NKIRAS1: variants seen among roughly 807,000 people sequenced by gnomAD.
The protein encoded by NKIRAS1 is NFKB inhibitor interacting Ras like 1, also known as NF-kappa-B inhibitor-interacting Ras-like protein 1.
In NKIRAS1, 16 loss-of-function variants were observed where a neutral mutation model predicts 19.8. The ratio of observed to expected loss-of-function variants is 0.81; its 90% CI spans 0.55 to 1.23. The LOEUF (loss-of-function observed/expected upper bound fraction) is 1.23. NKIRAS1 is among the 50% of genes most tolerant of loss of function. NKIRAS1 has a pLI of 0.00. For missense variants in NKIRAS1, 184 were observed against 220.0 expected, an observed-to-expected ratio of 0.84 and a Z score of 1.04; for synonymous variants, 88 against 79.0, an observed-to-expected ratio of 1.11 and a Z score of -0.61.
upstream of NKIRAS1, chr3:23,918,709 C>T (rs1357313511): frequency 2.8e-6 from 3 of 1,077,606 alleles, no homozygotes; most frequent in Admixed American, 8.0e-5. Flanking sequence ...TTTTACTAAT[C>T]TTGGTGAAGA....
In NKIRAS1 at chr3:23,927,769, A is replaced by C. The variant is rs1361621443; in HGVS notation, c.-139-16319T>G. 1.3e-5 allele frequency among the ~76,000 whole-genome samples: 2 copies of C among 152,170 alleles called. No individual in the cohort carries two copies. Among genetic ancestry groups the C allele is most frequent in the African/African-American group, 4.8e-5 (2 of 41,438 alleles). ...AAGCTAGGATGTTTTGCTTATCAAA[A>C]AGAAAGATTCAAAAAATGATCATCC... On this transcript the variant is annotated intron_variant, in intron 1 of 4. Coordinates refer to the NKIRAS1 transcript ENST00000421515. The surrounding 1 kb of genome is among the most constrained non-coding windows in gnomAD (Gnocchi z 4.0).
chr3:23,920,765 A>G, upstream of NKIRAS1: 1 of 971,244 alleles, frequency 1.0e-6, no homozygotes, highest in Non-Finnish European at 1.2e-6. Flanking sequence ...CTTCACAAAA[A>G]AAGAAAAGAT....
intron 1 of NKIRAS1, among the ~76,000 whole-genome samples, chr3:23,930,056 A>T (rs900633004): frequency 6.6e-6 from 1 of 152,226 alleles, no homozygotes; most frequent in East Asian, 1.9e-4. Flanking sequence ...TTATAAGTAC[A>T]TAGAATATGT....
At chr3:23,896,727 A>G (rs1464370459) in intron 4 of NKIRAS1, among the ~76,000 whole-genome samples, 1 of 151,966 alleles carries the variant, frequency 6.6e-6, no homozygotes, top group Non-Finnish European at 1.5e-5. Context: ...TAATCCCAAC[A>G]GTGTGGGAGG....
intron 1 of NKIRAS1, among the ~76,000 whole-genome samples, chr3:23,924,968 T>TTAGAACAGA (rs1705186268): frequency 6.6e-6 from 1 of 152,206 alleles, no homozygotes; most frequent in South Asian, 2.1e-4. Context: ...ATCCAGACTG[T>TTAGAACAGA]TAGAACAGAC....
At position 23,898,121 on chromosome 3, in the gene NKIRAS1, C is replaced by G. The variant is rs1485418847; in HGVS notation, c.336+2687G>C. Among the ~76,000 whole-genome samples the G allele has an allele frequency of 2.6e-5, 4 of 151,772 alleles. No individual in the cohort carries two copies. The East Asian group carries it at 7.7e-4, about 29-fold the overall frequency. ...CAGAGAGGGGTCTCTGGAGGATACC[C>G]AAGTAAATAATTACAGCATTTGCCT... On this transcript the variant is annotated intron_variant, in intron 4 of 4. Transcript: ENST00000425478.
chr3:23,930,315 G>A (rs1022935501), intron 1 of NKIRAS1, among the ~76,000 whole-genome samples: 1 of 152,156 alleles, frequency 6.6e-6, no homozygotes. Context: ...GGAGGGTCCT[G>A]CTAAGCCCAG....
intron 1 of NKIRAS1, among the ~76,000 whole-genome samples, chr3:23,944,846 G>T (rs1280062823): frequency 3.3e-5 from 5 of 151,048 alleles, no homozygotes; most frequent in Admixed American, 6.6e-5. Context: ...GGGGGGTGGG[G>T]GTGGGGGGCG....
intron 1 of NKIRAS1, among the ~76,000 whole-genome samples, chr3:23,928,723 G>T (rs998643398): frequency 6.8e-6 from 1 of 147,692 alleles, no homozygotes; most frequent in African/African-American, 2.5e-5. Context: ...CGGGCGCTGT[G>T]ACTCACACCT....
At chr3:23,939,586 C>T (rs181881504) in intron 1 of NKIRAS1, among the ~76,000 whole-genome samples, 1 of 152,144 alleles carries the variant, frequency 6.6e-6, no homozygotes, top group African/African-American at 2.4e-5. Context: ...TATTAAAATA[C>T]AAAAATTAGC....
At chr3:23,925,046 G>A (rs1275484684) in intron 1 of NKIRAS1, among the ~76,000 whole-genome samples, 1 of 152,206 alleles carries the variant, frequency 6.6e-6, no homozygotes, top group South Asian at 2.1e-4. Flanking sequence ...ACCCTAACCT[G>A]TAAAGCTTCT....
At chr3:23,923,181 A>G (rs1383286522) in intron 1 of NKIRAS1, 3 of 148,200 alleles carry the variant, frequency 2.0e-5, no homozygotes, top group East Asian at 3.9e-4. Flanking sequence ...TTAGTTATGT[A>G]TCTCAGAGCT....
intron 1 of NKIRAS1, among the ~76,000 whole-genome samples, chr3:23,944,821 C>T (rs1332315564): frequency 4.2e-5 from 1 of 23,852 alleles, no homozygotes; most frequent in East Asian, 1.1e-3. Context: ...GTTTGGAGGT[C>T]GGTCGGGTGG....
At chr3:23,946,107 A>T in intron 1 of NKIRAS1, 1 of 984,274 alleles carries the variant, frequency 1.0e-6, no homozygotes, top group South Asian at 4.7e-5. Flanking sequence ...CGGGGCAGTG[A>T]CGTCGCCGCG....
At chr3:23,924,894 A>C (rs1705183915) in intron 1 of NKIRAS1, among the ~76,000 whole-genome samples, 1 of 152,238 alleles carries the variant, frequency 6.6e-6, no homozygotes, top group Non-Finnish European at 1.5e-5. Context: ...TCAGTGGCTT[A>C]AAATAATAAA....
intron 1 of NKIRAS1, among the ~76,000 whole-genome samples, chr3:23,934,615 G>C (rs1468191678): frequency 1.3e-5 from 2 of 152,214 alleles, no homozygotes; most frequent in East Asian, 3.9e-4. Flanking sequence ...GGCACTTCTG[G>C]GCATGCTGGC....
intron 1 of NKIRAS1, among the ~76,000 whole-genome samples, chr3:23,932,625 T>C (rs1409754694): frequency 6.7e-6 from 1 of 149,032 alleles, no homozygotes; most frequent in Non-Finnish European, 1.5e-5. Context: ...GAGGTGGAGG[T>C]TGTGGTGAGC....
At chr3:23,943,523 G>A (rs1219114994) in intron 1 of NKIRAS1, among the ~76,000 whole-genome samples, 1 of 152,220 alleles carries the variant, frequency 6.6e-6, no homozygotes, top group African/African-American at 2.4e-5. Context: ...CAGCCCCCGC[G>A]CCCAGCCCAG....
At chr3:23,914,573 G>A (rs981739027) in intron 1 of NKIRAS1, among the ~76,000 whole-genome samples, 2 of 152,130 alleles carry the variant, frequency 1.3e-5, no homozygotes, top group Admixed American at 6.6e-5. Flanking sequence ...ATGTAATAAA[G>A]CAGATTCTAG....
Sources: allele counts gnomAD v4.1 joint callset (sites outside exome capture counted in the v4.1 genomes callset), GRCh38; gene constraint gnomAD v4.1.1; non-coding constraint Gnocchi (gnomAD v3.1); transcripts MANE v1.5; gene names NCBI Gene and HGNC (gene_info 2026-07-23, HGNC 2026-07-21).